The following GRM1 variants were observed in gnomAD, a reference collection of about 807,000 sequenced individuals.
GRM1 encodes the protein glutamate metabotropic receptor 1.
GRM1 carries 33 observed loss-of-function variants against 90.9 expected under a neutral mutation model. The ratio of observed to expected loss-of-function variants is 0.36; its 90% CI spans 0.28 to 0.49. The LOEUF is 0.49. Ranked by LOEUF, GRM1 falls within the 20% of genes least tolerant of loss-of-function variation. The probability of loss-of-function intolerance (pLI) is 0.99; values close to 1 mark genes in which losing one functional copy is unlikely to be tolerated. For missense variants in GRM1, 1,190 were observed against 1,534.3 expected, an observed-to-expected ratio of 0.78 and a Z score of 3.75; for synonymous variants, 700 against 613.2, an observed-to-expected ratio of 1.14 and a Z score of -2.09.
intron 5 of GRM1, among the ~76,000 whole-genome samples, chr6:146,378,149 C>T (rs1405722266): frequency 6.6e-6 from 1 of 152,182 alleles, no homozygotes; most frequent in Non-Finnish European, 1.5e-5. Flanking sequence ...AGGTGTGCTG[C>T]AGGGGTGGAA....
Position 146,399,294 on chromosome 6 carries a change from G to T in GRM1, c.2255G>T (p.Gly752Val). The change falls in exon 7 of 8, where the codon GGT becomes GTT. Residue 752 changes from glycine to valine, a missense_variant. By Grantham distance (109) the Gly-to-Val change is moderately radical. Transcript: ENST00000282753. The surrounding 1 kb of genome is among the most constrained non-coding windows in gnomAD (Gnocchi z 5.4). ...CTTATCTGCAATACCAGCAACCTGG[G>T]TGTGGTGGCCCCTTTGGGCTACAAT... ...VYLICNTSNL[G>V]VVAPLGYNGL... 1 of 1,614,128 alleles carries T rather than the reference G, an allele frequency of 6.2e-7. No homozygotes were observed. The highest frequency in any genetic ancestry group is 1.1e-5 in the South Asian group (1 of 91,076).
intron 2 of GRM1, among the ~76,000 whole-genome samples, chr6:146,292,167 C>A (rs865939105): frequency 1.3e-5 from 2 of 151,838 alleles, no homozygotes; most frequent in Non-Finnish European, 2.9e-5. Context: ...TAACAATGAC[C>A]TAAATATAAG....
At chr6:146,288,269 G>T (rs1474272236) in intron 2 of GRM1, among the ~76,000 whole-genome samples, 2 of 152,122 alleles carry the variant, frequency 1.3e-5, no homozygotes, top group Non-Finnish European at 1.5e-5. Context: ...GATGTTATAG[G>T]CAATGCTGGA....
At chr6:146,332,501 C>T (rs908025743) in intron 3 of GRM1, among the ~76,000 whole-genome samples, 11 of 152,148 alleles carry the variant, frequency 7.2e-5, no homozygotes, top group African/African-American at 1.9e-4. Flanking sequence ...CAACAATGGA[C>T]GCAGTCCCTC....
intron 1 of GRM1, among the ~76,000 whole-genome samples, chr6:146,137,652 G>A (rs1032656284): frequency 5.9e-5 from 9 of 151,864 alleles, no homozygotes; most frequent in Admixed American, 5.2e-4. Context: ...GTCTTATCTG[G>A]TTCCATAAAC....
chr6:146,424,117 G>A (rs1030830822), intron 7 of GRM1, among the ~76,000 whole-genome samples: 3 of 152,108 alleles, frequency 2.0e-5, no homozygotes, highest in Admixed American at 6.6e-5. Context: ...CTTTGCCTCA[G>A]CCCATATTAG....
intron 3 of GRM1, among the ~76,000 whole-genome samples, chr6:146,306,506 A>G (rs1467163171): frequency 1.3e-5 from 2 of 152,196 alleles, no homozygotes; most frequent in Admixed American, 6.5e-5. Flanking sequence ...ATTGTTTCCT[A>G]AGAAATGTTT....
At chr6:146,303,189 A>C (rs1224763825) in intron 2 of GRM1, among the ~76,000 whole-genome samples, 5 of 152,180 alleles carry the variant, frequency 3.3e-5, no homozygotes, top group African/African-American at 1.2e-4. Context: ...GATCTCAGGT[A>C]ACCAAGGGTG....
intron 2 of GRM1, 44 bp downstream of exon 2, chr6:146,159,641 TCA>T (rs1554274799): frequency 0.046 from 32,725 of 714,800 alleles, 572 homozygotes; most frequent in Non-Finnish European, 0.058. Context: ...TCTCTCTCTC[TCA>T]CACACACACA....
chr6:146,417,073 A>G (rs1392972523), intron 7 of GRM1, among the ~76,000 whole-genome samples: 1 of 152,186 alleles, frequency 6.6e-6, no homozygotes, highest in Non-Finnish European at 1.5e-5. Flanking sequence ...GAATGTATCA[A>G]AAATTTTCCT....
In GRM1 at chr6:146,434,506, G is replaced by T. The variant is rs536746121; in HGVS notation, c.3295G>T (p.Asp1099Tyr). The T allele has an allele frequency of 8.1e-6, 13 of 1,614,082 alleles. No individual in the cohort carries two copies. The East Asian group carries it at 1.3e-4, about 17-fold the overall frequency. ...CTCCCCGCCCGCGGACGACGACGAC[G>T]ACAGCGAGAGGTTTAAGCTCCTCCA... Reference protein sequence around the residue: ...LVSPPADDDDDSERFKLLQEY... With the variant: ...LVSPPADDDDYSERFKLLQEY... Residue 1099 changes from aspartate (D) to tyrosine (Y), a missense_variant, in exon 8 of 8, where the codon GAC becomes TAC. Coordinates refer to ENST00000282753, the MANE Select transcript of GRM1 (RefSeq NM_001278064.2).
intron 3 of GRM1, among the ~76,000 whole-genome samples, chr6:146,313,159 A>G (rs1371929967): frequency 1.3e-5 from 2 of 152,222 alleles, no homozygotes; most frequent in Non-Finnish European, 2.9e-5. Flanking sequence ...GAGAGTAAAC[A>G]GTTACTATTT....
At chr6:146,080,462 G>A (rs552089486) in intron 1 of GRM1, among the ~76,000 whole-genome samples, 4 of 152,206 alleles carry the variant, frequency 2.6e-5, no homozygotes, top group African/African-American at 9.6e-5. Context: ...CGTGACACAG[G>A]GAGAGCCAGT....
intron 2 of GRM1, among the ~76,000 whole-genome samples, chr6:146,161,494 T>G (rs879907406): frequency 9.2e-5 from 14 of 152,302 alleles, no homozygotes; most frequent in Admixed American, 9.2e-4. Flanking sequence ...TTTGTTTATG[T>G]GCTTGTCTAT....
intron 2 of GRM1, among the ~76,000 whole-genome samples, chr6:146,232,583 A>G (rs951874122): frequency 6.6e-6 from 1 of 151,966 alleles, no homozygotes; most frequent in Non-Finnish European, 1.5e-5. Context: ...GTTATTGTTG[A>G]CTGTAGTCAC....
chr6:146,324,674 G>A (rs1583326929), intron 3 of GRM1, among the ~76,000 whole-genome samples: 1 of 152,032 alleles, frequency 6.6e-6, no homozygotes, highest in East Asian at 1.9e-4. Context: ...TTGGCTAGGG[G>A]AGGGAGTTCC....
At chr6:146,400,939 A>T (rs1044472251) in intron 7 of GRM1, among the ~76,000 whole-genome samples, 35 of 152,092 alleles carry the variant, frequency 2.3e-4, no homozygotes, top group African/African-American at 8.4e-4. Flanking sequence ...TATTTTCTTA[A>T]TCCCAAATGT....
At chr6:146,262,868 C>T (rs1781752343) in intron 2 of GRM1, among the ~76,000 whole-genome samples, 1 of 151,672 alleles carries the variant, frequency 6.6e-6, no homozygotes, top group Non-Finnish European at 1.5e-5. Context: ...TCATAATGAA[C>T]AATTTAATAA....
intron 2 of GRM1, among the ~76,000 whole-genome samples, chr6:146,289,848 G>C (rs1180251202): frequency 6.6e-6 from 1 of 152,204 alleles, no homozygotes; most frequent in Non-Finnish European, 1.5e-5. Flanking sequence ...TAGGAATGTA[G>C]TAAACTGTAC....
Sources: gnomAD v4.1 joint callset for allele counts (sites outside exome capture counted in the v4.1 genomes callset) on GRCh38, gnomAD v4.1.1 for gene constraint, Gnocchi (gnomAD v3.1) non-coding constraint, MANE v1.5 for transcripts, NCBI Gene and HGNC (gene_info 2026-07-23, HGNC 2026-07-21) for gene names.